Variants in FAM193A observed in about 807,000 individuals in gnomAD.
The protein encoded by FAM193A is family with sequence similarity 193 member A, also known as protein FAM193A.
A neutral mutation model predicts 126.5 loss-of-function variants in FAM193A; 22 were observed. That is an observed-to-expected ratio of 0.17 (90% CI 0.12 to 0.25). FAM193A has a LOEUF of 0.25. Among genes scored for constraint, FAM193A ranks in the 10% least tolerant of loss-of-function variants. The probability of loss-of-function intolerance (pLI) is 1.00; values close to 1 mark genes in which losing one functional copy is unlikely to be tolerated. For missense variants in FAM193A, 1,675 were observed against 1,672.8 expected (o/e 1.00, Z -0.02); for synonymous variants, 761 against 646.8 (o/e 1.18, Z -2.68).
intron 2 of FAM193A, among the ~76,000 whole-genome samples, chr4:2,622,470 T>A (rs1426475547): frequency 6.6e-6 from 1 of 151,670 alleles, no homozygotes; most frequent in Non-Finnish European, 1.5e-5. Context: ...TTGTCTAGGT[T>A]CTTTTTGGCC....
chr4:2,602,100 A>G lies in FAM193A; in HGVS notation c.501+5771A>G, dbSNP rs927464282. 2.0e-5 allele frequency among the ~76,000 whole-genome samples: 3 copies of G among 152,048 alleles called. No homozygotes were observed. The South Asian group carries it at 6.2e-4, about 32-fold the overall frequency. ...GTGATCCTCCTGCTGCGGCCTCCCA[A>G]AGTACTGGGTTGACAGGCGTGAGCC... On this transcript the variant is annotated intron_variant, in intron 2 of 20. Coordinates refer to ENST00000637812, the MANE Select transcript of FAM193A (RefSeq NM_001366318.2).
At chr4:2,617,614 G>A (rs78674510) in intron 2 of FAM193A, among the ~76,000 whole-genome samples, 4,342 of 151,834 alleles carry the variant, frequency 0.029, 219 homozygotes, top group African/African-American at 0.099. Flanking sequence ...CTTACTACCT[G>A]TATTTCTTTT....
intron 5 of FAM193A, 40 bp from the exon 6 acceptor site, chr4:2,639,695 C>G (rs775408492): frequency 1.9e-6 from 3 of 1,574,242 alleles, no homozygotes; most frequent in Admixed American, 3.5e-5. Flanking sequence ...TTTAGCAATT[C>G]ACTACATCTT....
At chr4:2,622,248 C>A (rs1742589932) in intron 2 of FAM193A, among the ~76,000 whole-genome samples, 1 of 124,084 alleles carries the variant, frequency 8.1e-6, no homozygotes, top group Admixed American at 9.4e-5. Flanking sequence ...TAGAGCGAGA[C>A]CCTGTCTCCA....
chr4:2,700,651 C>T (rs1717617518), intron 19 of FAM193A, 107 bp downstream of exon 19: 6 of 1,382,608 alleles, frequency 4.3e-6, no homozygotes, highest in Middle Eastern at 5.3e-4. Flanking sequence ...GCCATGTGGC[C>T]TCCCTCCTGT....
intron 19 of FAM193A, among the ~76,000 whole-genome samples, chr4:2,702,612 G>C (rs370744736): frequency 6.6e-6 from 1 of 152,106 alleles, no homozygotes; most frequent in Non-Finnish European, 1.5e-5. Flanking sequence ...AGATATCCCA[G>C]CCCCACTCCT....
rs369109991 is a variant in FAM193A at position 2,677,823 on chromosome 4, C to A, written c.2331+5451C>A. Among the ~76,000 whole-genome samples, 6 of 151,470 alleles carry A rather than the reference C, an allele frequency of 4.0e-5. No individual in the cohort carries two copies. The South Asian group carries it at 1.2e-3, about 32-fold the overall frequency. On this transcript the variant is annotated intron_variant, in intron 13 of 20. Transcript: ENST00000637812. ...GAATTTAGGGTGGATTTTTCTATTT[C>A]TTCAAAATACATCATTGGCATTTTG... is the stretch of plus-strand genomic sequence containing the variant.
intron 2 of FAM193A, among the ~76,000 whole-genome samples, chr4:2,608,774 G>C (rs996804659): frequency 6.6e-6 from 1 of 152,116 alleles, no homozygotes; most frequent in African/African-American, 2.4e-5. Context: ...GGACAGGCCT[G>C]ACTAAACAAA....
chr4:2,545,921 G>T (rs1343262750), intron 1 of FAM193A, among the ~76,000 whole-genome samples: 1 of 152,084 alleles, frequency 6.6e-6, no homozygotes, highest in Non-Finnish European at 1.5e-5. Context: ...AGGCTGAGGC[G>T]GGCGGATTAT....
At chr4:2,640,132 G>T (rs1210429337) in intron 6 of FAM193A, among the ~76,000 whole-genome samples, 1 of 152,136 alleles carries the variant, frequency 6.6e-6, no homozygotes, top group Non-Finnish European at 1.5e-5. Flanking sequence ...ACTTTTCCTT[G>T]ACAAGACCTA....
At chr4:2,632,545 T>A (rs1435595689) in intron 5 of FAM193A, among the ~76,000 whole-genome samples, 1 of 151,994 alleles carries the variant, frequency 6.6e-6, no homozygotes, top group Non-Finnish European at 1.5e-5. Context: ...AGATCCTATC[T>A]CAAAAAGAAA....
intron 15 of FAM193A, among the ~76,000 whole-genome samples, chr4:2,692,859 G>C (rs1308021876): frequency 1.3e-5 from 2 of 148,378 alleles, no homozygotes. Flanking sequence ...GAGAGGGAGG[G>C]AGGGAGGGAA....
chr4:2,723,347 G>A (rs1720369768), intron 20 of FAM193A, among the ~76,000 whole-genome samples: 1 of 151,602 alleles, frequency 6.6e-6, no homozygotes. Context: ...AGGCCAAGGC[G>A]GGTGGATCAT....
chr4:2,639,717 T>C lies in FAM193A; in HGVS notation c.1039-18T>C. On this transcript the variant is annotated intron_variant, in intron 5 of 20. Transcript: ENST00000637812. ...ATTCACTACATCTTCTGTTTATCTTTTACTTTTTCTTAACCAGGAAAATGA... is the reference window on the plus strand; with the variant it reads ...ATTCACTACATCTTCTGTTTATCTTCTACTTTTTCTTAACCAGGAAAATGA... The C allele has an allele frequency of 6.2e-7, 1 of 1,603,726 alleles. No individual in the cohort carries two copies.
chr4:2,648,123 C>G (rs1172001887), intron 7 of FAM193A, among the ~76,000 whole-genome samples: 2 of 152,192 alleles, frequency 1.3e-5, no homozygotes, highest in African/African-American at 4.8e-5. Context: ...TTCTCTTACT[C>G]CATTCTTCTG....
chr4:2,721,641 C>T (rs1157439594), intron 20 of FAM193A, among the ~76,000 whole-genome samples: 1 of 152,254 alleles, frequency 6.6e-6, no homozygotes, highest in Non-Finnish European at 1.5e-5. Flanking sequence ...AGCCCTCCCT[C>T]TCTCCTGCTG....
intron 20 of FAM193A, among the ~76,000 whole-genome samples, chr4:2,723,654 G>C (rs1191550748): frequency 1.3e-5 from 2 of 152,120 alleles, no homozygotes; most frequent in African/African-American, 4.8e-5. Flanking sequence ...GATATCAAAG[G>C]TTTAAAACAC....
chr4:2,640,741 G>A (rs905467156), intron 6 of FAM193A, among the ~76,000 whole-genome samples: 2 of 152,104 alleles, frequency 1.3e-5, no homozygotes, highest in South Asian at 2.1e-4. Context: ...TAAGCAGGCG[G>A]ATCACCTGAG....
intron 2 of FAM193A, among the ~76,000 whole-genome samples, chr4:2,611,878 C>G (rs920410859): frequency 6.8e-6 from 1 of 146,522 alleles, no homozygotes; most frequent in Non-Finnish European, 1.5e-5. Context: ...GCTCTTTTGT[C>G]CAGGCCGGAG....
Sources: allele counts gnomAD v4.1 joint callset (sites outside exome capture counted in the v4.1 genomes callset), GRCh38; gene constraint gnomAD v4.1.1; transcripts MANE v1.5; gene names NCBI Gene and HGNC (gene_info 2026-07-23, HGNC 2026-07-21).